The following DPP6 variants were observed in gnomAD, a reference collection of about 807,000 sequenced individuals.
DPP6 encodes the protein dipeptidyl peptidase like 6.
DPP6 carries 69 observed loss-of-function variants against 122.6 expected under a neutral mutation model. The observed-to-expected ratio is 0.56, with a 90% CI of 0.46 to 0.69. DPP6 has a LOEUF of 0.69. Among genes scored for constraint, DPP6 ranks in the 30% least tolerant of loss-of-function variants. DPP6 has a pLI of 0.00. For missense variants in DPP6, 928 were observed against 1,116.9 expected (o/e 0.83, Z 2.41); for synonymous variants, 418 against 433.1 (o/e 0.97, Z 0.43).
intron 6 of DPP6, among the ~76,000 whole-genome samples, chr7:154,659,680 G>A (rs1012706610): frequency 6.6e-6 from 1 of 152,110 alleles, no homozygotes; most frequent in African/African-American, 2.4e-5. Flanking sequence ...ACACCTTCTT[G>A]GAATTATCTC....
intron 13 of DPP6, 131 bp downstream of exon 13, chr7:154,801,593 A>G (rs1798370986): frequency 7.6e-7 from 1 of 1,319,304 alleles, no homozygotes; most frequent in East Asian, 2.5e-5. Flanking sequence ...TCCCGAAGGC[A>G]GGGCAGGGCA....
At chr7:154,025,898 C>T (rs1798935839) in intron 1 of DPP6, among the ~76,000 whole-genome samples, 1 of 137,228 alleles carries the variant, frequency 7.3e-6, no homozygotes, top group Non-Finnish European at 1.6e-5. Flanking sequence ...ACTCAGCAGG[C>T]CTGGGTTGCT....
chr7:154,367,862 G>A (rs1314609808), intron 1 of DPP6, among the ~76,000 whole-genome samples: 1 of 152,210 alleles, frequency 6.6e-6, no homozygotes, highest in Non-Finnish European at 1.5e-5. Context: ...CCAGGCGACA[G>A]TGGGCGCGAT....
At chr7:154,478,237 G>C (rs1460758748) in intron 3 of DPP6, among the ~76,000 whole-genome samples, 1 of 152,080 alleles carries the variant, frequency 6.6e-6, no homozygotes, top group Non-Finnish European at 1.5e-5. Context: ...TGTAGAGCTG[G>C]GATGAGCCTT....
intron 1 of DPP6, among the ~76,000 whole-genome samples, chr7:153,953,557 C>T (rs1802319169): frequency 6.6e-6 from 1 of 152,188 alleles, no homozygotes; most frequent in Non-Finnish European, 1.5e-5. Context: ...CTCATCTGTG[C>T]CCTCGCTGCA....
chr7:153,798,131 C>T, the DPP6 span, among the ~76,000 whole-genome samples: 527 of 152,228 alleles, frequency 3.5e-3, 3 homozygotes, highest in African/African-American at 0.011. Context: ...CGTGAGCCAC[C>T]GTGCCCAGCC....
chr7:154,170,535 G>A (rs1585542863), intron 1 of DPP6, among the ~76,000 whole-genome samples: 2 of 152,174 alleles, frequency 1.3e-5, no homozygotes, highest in South Asian at 2.1e-4. Context: ...AGGGGCAGAC[G>A]TGCCCTTTGA....
intron 1 of DPP6, among the ~76,000 whole-genome samples, chr7:154,148,419 C>T (rs1264161047): frequency 6.6e-6 from 1 of 151,000 alleles, no homozygotes; most frequent in African/African-American, 2.4e-5. Flanking sequence ...GGGAGGTGTT[C>T]CGCGCAGGCT....
At chr7:154,305,335 TACCC>T in intron 1 of DPP6, 1 of 1,024,572 alleles carries the variant, frequency 9.8e-7, no homozygotes, top group Non-Finnish European at 1.2e-6. Flanking sequence ...TCGTCTTGTC[TACCC>T]ACCCTCCCTC....
At chr7:154,627,837 C>T (rs1035180792) in intron 5 of DPP6, among the ~76,000 whole-genome samples, 2 of 152,182 alleles carry the variant, frequency 1.3e-5, no homozygotes, top group Non-Finnish European at 2.9e-5. Context: ...AGGAGTCTGA[C>T]GCCATGGAGG....
chr7:154,403,981 T>A lies in DPP6; in HGVS notation c.244-42233T>A, dbSNP rs542526301. On this transcript the variant is annotated intron_variant, in intron 1 of 25. Transcript: ENST00000377770. This position sits in a 1 kb window ranked among gnomAD's most constrained non-coding sequence, Gnocchi z 4.1. ...CTTTTGTTGAAAAAAGTTAATCTTG[T>A]TTTCCAAAGGGCCACAGGAGGATAT... Among the ~76,000 whole-genome samples, 1 of 152,332 alleles carries A rather than the reference T, an allele frequency of 6.6e-6. No homozygotes were observed. The highest frequency in any genetic ancestry group is 2.4e-5 in the African/African-American group (1 of 41,580).
At chr7:153,818,071 A>T in the DPP6 span, among the ~76,000 whole-genome samples, 2 of 152,262 alleles carry the variant, frequency 1.3e-5, no homozygotes, top group East Asian at 3.9e-4. Flanking sequence ...AGTGAGGAAA[A>T]GATGAACAAA....
At chr7:154,087,784 C>A (rs1032390089) in intron 1 of DPP6, among the ~76,000 whole-genome samples, 26 of 152,200 alleles carry the variant, frequency 1.7e-4, no homozygotes, top group African/African-American at 5.3e-4. Context: ...AAGAAACTCA[C>A]AGGTATTTAT....
upstream of DPP6, among the ~76,000 whole-genome samples, chr7:153,882,314 T>A (rs1370110135): frequency 6.6e-6 from 1 of 152,032 alleles, no homozygotes; most frequent in African/African-American, 2.4e-5. Context: ...TGAACTAATC[T>A]GTGTAAAAGA....
intron 5 of DPP6, among the ~76,000 whole-genome samples, chr7:154,595,013 AT>A (rs551036884): frequency 2.1e-4 from 31 of 150,168 alleles, no homozygotes; most frequent in Admixed American, 1.5e-3. Context: ...TGTATCATTG[AT>A]TTTTTTTTTG....
At chr7:154,173,808 A>G (rs2150733305) in intron 1 of DPP6, among the ~76,000 whole-genome samples, 1 of 152,256 alleles carries the variant, frequency 6.6e-6, no homozygotes, top group Admixed American at 6.5e-5. Context: ...TGACATCCTG[A>G]GAATCACCAT....
intron 1 of DPP6, among the ~76,000 whole-genome samples, chr7:154,296,374 G>A (rs1001333082): frequency 3.3e-5 from 5 of 152,136 alleles, no homozygotes; most frequent in African/African-American, 1.2e-4. Flanking sequence ...AGGACCAAAA[G>A]ACATTTATTT....
intron 1 of DPP6, among the ~76,000 whole-genome samples, chr7:154,245,194 C>A (rs935990592): frequency 2.6e-5 from 4 of 151,728 alleles, no homozygotes; most frequent in Non-Finnish European, 5.9e-5. Flanking sequence ...CTCAAGTGAT[C>A]CTCCCGCCTC....
At chr7:153,937,127 G>A (rs1801484503) in intron 1 of DPP6, among the ~76,000 whole-genome samples, 1 of 152,154 alleles carries the variant, frequency 6.6e-6, no homozygotes, top group Admixed American at 6.5e-5. Flanking sequence ...GCGGCTATGA[G>A]GAGAACCCCT....
Sources: allele counts gnomAD v4.1 joint callset (sites outside exome capture counted in the v4.1 genomes callset), GRCh38; gene constraint gnomAD v4.1.1; non-coding constraint Gnocchi (gnomAD v3.1); transcripts MANE v1.5; gene names NCBI Gene and HGNC (gene_info 2026-07-23, HGNC 2026-07-21).